Variants in ST6GALNAC3 observed in about 807,000 individuals in gnomAD.
The protein encoded by ST6GALNAC3 is alpha-N-acetylgalactosaminide alpha-2,6-sialyltransferase 3.
ST6GALNAC3 carries 25 observed loss-of-function variants against 32.7 expected under a neutral mutation model. That is an observed-to-expected ratio of 0.76 (90% CI 0.56 to 1.07). ST6GALNAC3 has a LOEUF of 1.07. Among genes scored for constraint, ST6GALNAC3 ranks in the 50% least tolerant of loss-of-function variants. The pLI, the probability that ST6GALNAC3 is intolerant of heterozygous loss-of-function variation, is 0.00. For synonymous variants in ST6GALNAC3, 129 were observed against 133.1 expected (o/e 0.97, Z 0.21); for missense variants, 355 against 382.4 (o/e 0.93, Z 0.60).
rs796825318 is a variant in ST6GALNAC3 at position 76,488,345 on chromosome 1, T to C, written c.623+75928T>C. Among the ~76,000 whole-genome samples, 10 of 12,772 alleles carry C rather than the reference T, an allele frequency of 7.8e-4. 1 individual carries two copies. Among genetic ancestry groups the C allele is most frequent in the Admixed American group, 1.2e-3 (1 of 840 alleles). 8.4% of individuals were successfully genotyped at this position (12,772 alleles called of 152,430 possible). A position where few individuals can be genotyped will look rare whatever the true frequency, so the allele number is the denominator to read the frequency against. ...GCTACCCCTTCACCTTCTGTGTTGA[T>C]TGTTAAGTTTTCTGAGGCCTCCCTA... is the stretch of plus-strand genomic sequence containing the variant. On this transcript the variant is annotated intron_variant, in intron 3 of 4. Coordinates refer to ENST00000328299, the MANE Select transcript of ST6GALNAC3 (RefSeq NM_152996.4).
chr1:76,298,688 C>T (rs1660553299), intron 1 of ST6GALNAC3, among the ~76,000 whole-genome samples: 1 of 151,884 alleles, frequency 6.6e-6, no homozygotes, highest in African/African-American at 2.4e-5. Flanking sequence ...TCTAAAAGTC[C>T]CTAACGTATT....
chr1:76,449,028 G>A (rs1445258485), intron 3 of ST6GALNAC3, among the ~76,000 whole-genome samples: 1 of 151,984 alleles, frequency 6.6e-6, no homozygotes, highest in East Asian at 1.9e-4. Flanking sequence ...TCACTATGTT[G>A]GCCAGGCTGG....
intron 3 of ST6GALNAC3, among the ~76,000 whole-genome samples, chr1:76,607,762 C>G (rs185293312): frequency 6.6e-6 from 1 of 152,238 alleles, no homozygotes; most frequent in East Asian, 1.9e-4. Context: ...GGATTTCAGG[C>G]CACACACACT....
At chr1:76,516,184 G>A (rs1571486305) in intron 3 of ST6GALNAC3, among the ~76,000 whole-genome samples, 1 of 152,144 alleles carries the variant, frequency 6.6e-6, no homozygotes, top group East Asian at 1.9e-4. Flanking sequence ...CAGCTGTTGT[G>A]CTGGAAATGG....
At chr1:76,122,392 C>T (rs1049079965) in intron 1 of ST6GALNAC3, among the ~76,000 whole-genome samples, 2 of 152,162 alleles carry the variant, frequency 1.3e-5, no homozygotes, top group African/African-American at 4.8e-5. Flanking sequence ...TCAGTCAGCA[C>T]AGGTCAAACA....
At chr1:76,409,527 TTTTTTATAGTAGAA>T (rs1346302922) in intron 2 of ST6GALNAC3, among the ~76,000 whole-genome samples, 1 of 143,714 alleles carries the variant, frequency 7.0e-6, no homozygotes, top group African/African-American at 2.4e-5. Flanking sequence ...ATCAAAGCAC[TTTTTTATAGTAGAA>T]AAAAAAACAG....
In ST6GALNAC3 at chr1:76,198,259, C is replaced by T. The variant is rs149272767; in HGVS notation, c.19-115546C>T. ...CTATGCTTCCCAGGCTGGTCTCAAACGCTTGAGCTCAAGTGATCCTCCTGC... is the reference window on the plus strand; with the variant it reads ...CTATGCTTCCCAGGCTGGTCTCAAATGCTTGAGCTCAAGTGATCCTCCTGC... On this transcript the variant is annotated intron_variant, in intron 1 of 4. Coordinates refer to ENST00000328299, the MANE Select transcript of ST6GALNAC3 (RefSeq NM_152996.4). Among the ~76,000 whole-genome samples the T allele has an allele frequency of 6.9e-3, 1,051 of 152,242 alleles. 8 individuals are homozygous for T. The highest frequency in any genetic ancestry group is 0.02 in the Middle Eastern group (6 of 294).
chr1:76,373,084 A>G (rs1166892276), intron 2 of ST6GALNAC3, among the ~76,000 whole-genome samples: 1 of 152,198 alleles, frequency 6.6e-6, no homozygotes, highest in Non-Finnish European at 1.5e-5. Context: ...GGCGTGAGCC[A>G]CGGTGCCTGG....
At chr1:76,397,145 G>C (rs1653028845) in intron 2 of ST6GALNAC3, among the ~76,000 whole-genome samples, 1 of 152,128 alleles carries the variant, frequency 6.6e-6, no homozygotes, top group East Asian at 1.9e-4. Context: ...AGGAATGAAT[G>C]ACTCCAAAGC....
chr1:76,517,354 A>G (rs868825772), intron 3 of ST6GALNAC3, among the ~76,000 whole-genome samples: 2 of 151,686 alleles, frequency 1.3e-5, no homozygotes, highest in African/African-American at 4.8e-5. Context: ...AGTCAATATG[A>G]CTTTTTAAGT....
intron 3 of ST6GALNAC3, among the ~76,000 whole-genome samples, chr1:76,422,010 T>A (rs1201068708): frequency 3.3e-5 from 5 of 151,980 alleles, no homozygotes; most frequent in Non-Finnish European, 5.9e-5. Flanking sequence ...ATTTTATTTT[T>A]TTCTCTTATA....
At chr1:76,448,599 G>A (rs1466541554) in intron 3 of ST6GALNAC3, among the ~76,000 whole-genome samples, 1 of 152,132 alleles carries the variant, frequency 6.6e-6, no homozygotes, top group African/African-American at 2.4e-5. Flanking sequence ...TGAATCATGG[G>A]TGCAGGTCTT....
chr1:76,147,347 G>A (rs1405930448), intron 1 of ST6GALNAC3, among the ~76,000 whole-genome samples: 1 of 152,182 alleles, frequency 6.6e-6, no homozygotes, highest in Non-Finnish European at 1.5e-5. Flanking sequence ...ACAGGCGTGA[G>A]CTGCTGTTCC....
intron 3 of ST6GALNAC3, among the ~76,000 whole-genome samples, chr1:76,616,973 T>C (rs931731789): frequency 6.6e-6 from 1 of 152,168 alleles, no homozygotes; most frequent in Non-Finnish European, 1.5e-5. Flanking sequence ...GCTCATTGCT[T>C]AGGCTCTGGC....
intron 1 of ST6GALNAC3, among the ~76,000 whole-genome samples, chr1:76,239,399 T>TA (rs146522194): frequency 2.9e-4 from 44 of 151,418 alleles, no homozygotes; most frequent in Middle Eastern, 6.8e-3. Context: ...TTATTTATAA[T>TA]AAAAAAAAAG....
intron 3 of ST6GALNAC3, among the ~76,000 whole-genome samples, chr1:76,611,080 T>TATAC (rs969415897): frequency 6.6e-6 from 1 of 151,792 alleles, no homozygotes; most frequent in African/African-American, 2.4e-5. Flanking sequence ...TATATATATA[T>TATAC]ATACACACAC....
At chr1:76,309,998 A>T in intron 1 of ST6GALNAC3, 1 of 499,088 alleles carries the variant, frequency 2.0e-6, no homozygotes. Context: ...GTGTTGCTGC[A>T]CACAACAGTG....
chr1:76,388,520 C>T (rs1360179166), intron 2 of ST6GALNAC3, among the ~76,000 whole-genome samples: 1 of 152,184 alleles, frequency 6.6e-6, no homozygotes, highest in African/African-American at 2.4e-5. Context: ...AAGGTTCTCA[C>T]AGTACTGGCA....
rs190105397 is a variant in ST6GALNAC3, at chr1:76,075,290, G to T, written c.18+406G>T. ...AGTTGCTGGTGGTGAGGGGCATAGC[G>T]CTTTAAATGGAGGGAAGAGTGAGCG... On this transcript the variant is annotated intron_variant, in intron 1 of 4. Transcript: ENST00000328299. Among the ~76,000 whole-genome samples the T allele has an allele frequency of 3.5e-3, 526 of 152,286 alleles. 2 individuals are homozygous for T. The highest frequency in any genetic ancestry group is 0.012 in the African/African-American group (500 of 41,566).
Sources: gnomAD v4.1 joint callset for allele counts (sites outside exome capture counted in the v4.1 genomes callset) on GRCh38, gnomAD v4.1.1 for gene constraint, MANE v1.5 for transcripts, NCBI Gene and HGNC (gene_info 2026-07-23, HGNC 2026-07-21) for gene names.